NUP93: variants seen among roughly 807,000 people sequenced by gnomAD.
NUP93 encodes nucleoporin 93, also known as nuclear pore complex protein Nup93.
NUP93 carries 55 observed loss-of-function variants against 107.8 expected under a neutral mutation model. The ratio of observed to expected loss-of-function variants is 0.51; its 90% CI spans 0.41 to 0.64. The LOEUF is 0.64. NUP93 is among the 30% of genes least tolerant of loss of function. The pLI is 0.00. For missense variants in NUP93, 937 were observed against 1,044.7 expected, an observed-to-expected ratio of 0.90 and a Z score of 1.42; for synonymous variants, 390 against 397.5, an observed-to-expected ratio of 0.98 and a Z score of 0.22.
intron 3 of NUP93, among the ~76,000 whole-genome samples, chr16:56,788,605 C>CAG (rs1260405224): frequency 6.6e-6 from 1 of 152,180 alleles, no homozygotes; most frequent in East Asian, 1.9e-4. Context: ...CTGGGATGAC[C>CAG]AGAGAGAGAA....
chr16:56,734,146 G>C (rs1165226336), intron 1 of NUP93, among the ~76,000 whole-genome samples: 1 of 152,254 alleles, frequency 6.6e-6, no homozygotes, highest in Non-Finnish European at 1.5e-5. Context: ...GCCAGAAATT[G>C]ATAACATACT....
At chr16:56,778,566 CAG>C (rs1477514358) in intron 3 of NUP93, among the ~76,000 whole-genome samples, 1 of 152,080 alleles carries the variant, frequency 6.6e-6, no homozygotes, top group African/African-American at 2.4e-5. Context: ...GCTGAGAAAA[CAG>C]AGGAAAAAGA....
chr16:56,790,874 T>C (rs1962746811), intron 3 of NUP93, among the ~76,000 whole-genome samples: 1 of 152,232 alleles, frequency 6.6e-6, no homozygotes, highest in African/African-American at 2.4e-5. Context: ...AATTTTTAAC[T>C]GCTTTATTAT....
intron 1 of NUP93, among the ~76,000 whole-genome samples, chr16:56,741,368 A>G (rs1455095033): frequency 6.6e-6 from 1 of 152,244 alleles, no homozygotes; most frequent in Non-Finnish European, 1.5e-5. Flanking sequence ...TGAAGTAGGT[A>G]GGAATTACCA....
At chr16:56,794,331 ATAT>A (rs1962840702) in intron 3 of NUP93, among the ~76,000 whole-genome samples, 1 of 152,066 alleles carries the variant, frequency 6.6e-6, no homozygotes, top group Non-Finnish European at 1.5e-5. Flanking sequence ...GTCTTTGTTT[ATAT>A]GTGGGTGAGG....
chr16:56,750,205 AG>A (rs1442835513), intron 2 of NUP93, among the ~76,000 whole-genome samples: 1 of 152,174 alleles, frequency 6.6e-6, no homozygotes, highest in Admixed American at 6.5e-5. Flanking sequence ...TCATTATTTT[AG>A]GGAGGAGGAA....
chr16:56,806,184 G>GCA (rs1273070478), intron 5 of NUP93, among the ~76,000 whole-genome samples: 4 of 150,806 alleles, frequency 2.7e-5, no homozygotes, highest in Admixed American at 2.0e-4. Context: ...TTTATAAGTG[G>GCA]CAATTCCAGT....
At chr16:56,776,583 A>G (rs1962421001) in intron 3 of NUP93, among the ~76,000 whole-genome samples, 1 of 152,252 alleles carries the variant, frequency 6.6e-6, no homozygotes, top group Non-Finnish European at 1.5e-5. Context: ...TTCTATTTAC[A>G]ATCAACCTGG....
At chr16:56,813,155 T>C (rs1420193506) in intron 5 of NUP93, among the ~76,000 whole-genome samples, 1 of 152,228 alleles carries the variant, frequency 6.6e-6, no homozygotes, top group Non-Finnish European at 1.5e-5. Flanking sequence ...CACTATGATA[T>C]GTAAACAGTG....
chr16:56,813,755 T>C (rs1404770312), intron 5 of NUP93, among the ~76,000 whole-genome samples: 1 of 152,252 alleles, frequency 6.6e-6, no homozygotes, highest in East Asian at 1.9e-4. Context: ...GTTCCTATAA[T>C]TTTGCATTAT....
At chr16:56,803,828 G>A (rs1448446597) in intron 4 of NUP93, among the ~76,000 whole-genome samples, 1 of 152,002 alleles carries the variant, frequency 6.6e-6, no homozygotes, top group African/African-American at 2.4e-5. Flanking sequence ...GGAGTGCAGT[G>A]GTACAGTCAC....
intron 7 of NUP93, 128 bp from the exon 8 acceptor site, chr16:56,823,579 C>A: frequency 8.9e-7 from 1 of 1,123,482 alleles, no homozygotes; most frequent in Non-Finnish European, 1.3e-6. Flanking sequence ...GCCTAGCCGT[C>A]ACAGACAGAT....
intron 3 of NUP93, among the ~76,000 whole-genome samples, chr16:56,761,534 A>G (rs1470262666): frequency 6.8e-6 from 1 of 146,438 alleles, no homozygotes; most frequent in African/African-American, 2.5e-5. Context: ...GACTTTTGTA[A>G]TTGAACTTTT....
chr16:56,794,181 TTAAAA>T (rs750366044), intron 3 of NUP93, among the ~76,000 whole-genome samples: 1 of 152,210 alleles, frequency 6.6e-6, no homozygotes, highest in Non-Finnish European at 1.5e-5. Flanking sequence ...CGTGTGTTTT[TTAAAA>T]TAAAATATGA....
rs1202215643 is a variant in NUP93, at chr16:56,849,398, T to C, written c.*4789T>C. On this transcript the variant is annotated 3_prime_UTR_variant, in exon 22 of 22. Coordinates refer to ENST00000308159, the MANE Select transcript of NUP93 (RefSeq NM_014669.5). Reference sequence around the variant, plus strand: ...TCTGCGCTAGCACAATCTGTACACCTGGCTGCCTTTGCCCTTGAGCTTCTA... The same window carrying C: ...TCTGCGCTAGCACAATCTGTACACCCGGCTGCCTTTGCCCTTGAGCTTCTA... The C allele has an allele frequency of 6.6e-6, 1 of 152,256 alleles. No homozygotes were observed. The highest frequency in any genetic ancestry group is 1.5e-5 in the Non-Finnish European group (1 of 68,058). 9.4% of individuals were successfully genotyped at this position (152,256 alleles called of 1,614,324 possible). A position where few individuals can be genotyped will look rare whatever the true frequency, so the allele number is the denominator to read the frequency against.
At chr16:56,818,427 G>A (rs536698044) in intron 5 of NUP93, among the ~76,000 whole-genome samples, 1 of 152,166 alleles carries the variant, frequency 6.6e-6, no homozygotes, top group African/African-American at 2.4e-5. Context: ...TAGGGTTTAT[G>A]CAGCCCCTCA....
chr16:56,787,541 C>T (rs573531690), intron 3 of NUP93, among the ~76,000 whole-genome samples: 19 of 152,270 alleles, frequency 1.2e-4, no homozygotes, highest in African/African-American at 4.6e-4. Flanking sequence ...CTTTCCTGCT[C>T]GTGGCCCCCA....
intron 3 of NUP93, among the ~76,000 whole-genome samples, chr16:56,769,259 A>C (rs1962275969): frequency 6.6e-6 from 1 of 152,238 alleles, no homozygotes; most frequent in Non-Finnish European, 1.5e-5. Context: ...CATTTAGAGC[A>C]AAATAAAGAG....
chr16:56,788,281 C>T (rs1358660809), intron 3 of NUP93, among the ~76,000 whole-genome samples: 9 of 152,198 alleles, frequency 5.9e-5, no homozygotes, highest in African/African-American at 1.2e-4. Context: ...TGCTGCATCA[C>T]GGCCCTTCTC....
Sources: gnomAD v4.1 joint callset for allele counts (sites outside exome capture counted in the v4.1 genomes callset) on GRCh38, gnomAD v4.1.1 for gene constraint, MANE v1.5 for transcripts, NCBI Gene and HGNC (gene_info 2026-07-23, HGNC 2026-07-21) for gene names.